CCDC102B: variants seen among roughly 807,000 people sequenced by gnomAD.
The protein encoded by CCDC102B is coiled-coil domain containing 102B.
Under a neutral mutation model 57.4 loss-of-function variants are expected in CCDC102B, and 75 were observed. The observed-to-expected ratio is 1.31, with a 90% CI of 1.08 to 1.58. The LOEUF is 1.58. CCDC102B is among the 40% of genes most tolerant of loss of function. CCDC102B has a pLI of 0.00. For missense variants in CCDC102B, 636 were observed against 582.6 expected (o/e 1.09, Z -0.94); for synonymous variants, 206 against 201.9 (o/e 1.02, Z -0.17).
At position 69,055,100 on chromosome 18, in the gene CCDC102B, G is replaced by T; in HGVS notation, c.*963G>T. 2 of 982,994 alleles carry T rather than the reference G, an allele frequency of 2.0e-6. No homozygotes were observed. Among genetic ancestry groups the T allele is most frequent in the Non-Finnish European group, 1.2e-6 (1 of 827,992 alleles). The allele number at this position is 982,994 out of a possible 1,614,324, so 60.9% of individuals were successfully genotyped here. A position where few individuals can be genotyped will look rare whatever the true frequency, so the allele number is the denominator to read the frequency against. ...ATTTAACTCAGTCAATAACATACTGGTTTTACTCATCTCCCCCTCCATTGA... is the reference window on the plus strand; with the variant it reads ...ATTTAACTCAGTCAATAACATACTGTTTTTACTCATCTCCCCCTCCATTGA... On this transcript the variant is annotated 3_prime_UTR_variant, in exon 8 of 8. Coordinates refer to ENST00000360242, the MANE Select transcript of CCDC102B (RefSeq NM_024781.3).
chr18:68,947,223 C>T lies in CCDC102B; in HGVS notation c.1263+49795C>T, dbSNP rs552635537. Reference sequence around the variant, plus strand: ...AGGGGCATCAGTGGCCTACAACTTCCGGAACAACTGTTTTGTTTAATTCAT... The same window carrying T: ...AGGGGCATCAGTGGCCTACAACTTCTGGAACAACTGTTTTGTTTAATTCAT... On this transcript the variant is annotated intron_variant, in intron 6 of 7. Coordinates refer to ENST00000360242, the MANE Select transcript of CCDC102B (RefSeq NM_024781.3). Among the ~76,000 whole-genome samples, 102 of 151,652 alleles carry T rather than the reference C, an allele frequency of 6.7e-4. 1 individual carries two copies. Among genetic ancestry groups the T allele is most frequent in the African/African-American group, 2.3e-3 (97 of 41,414 alleles).
chr18:68,938,633 T>G (rs2049303987), intron 6 of CCDC102B, among the ~76,000 whole-genome samples: 1 of 151,786 alleles, frequency 6.6e-6, no homozygotes, highest in African/African-American at 2.4e-5. Flanking sequence ...CTTAAAATCA[T>G]TATACAGCTA....
At chr18:68,781,177 A>T (rs1431773385) in intron 2 of CCDC102B, among the ~76,000 whole-genome samples, 1 of 152,130 alleles carries the variant, frequency 6.6e-6, no homozygotes, top group Non-Finnish European at 1.5e-5. Flanking sequence ...TTCATTACTT[A>T]GCTGATTATG....
chr18:69,035,727 C>T (rs541789380), intron 7 of CCDC102B, among the ~76,000 whole-genome samples: 1 of 152,062 alleles, frequency 6.6e-6, no homozygotes, highest in East Asian at 1.9e-4. Flanking sequence ...ATAAAGTGGA[C>T]CAGAATATTT....
chr18:69,012,830 C>T (rs1223498363), intron 7 of CCDC102B, among the ~76,000 whole-genome samples: 6 of 151,756 alleles, frequency 4.0e-5, no homozygotes, highest in African/African-American at 1.5e-4. Flanking sequence ...TTTGTTGCTA[C>T]AAAAAACAAA....
intron 6 of CCDC102B, among the ~76,000 whole-genome samples, chr18:68,933,939 G>C (rs1350504535): frequency 6.6e-6 from 1 of 151,784 alleles, no homozygotes; most frequent in Admixed American, 6.6e-5. Flanking sequence ...GCCGGGAGAG[G>C]TATTTATGCA....
intron 5 of CCDC102B, among the ~76,000 whole-genome samples, chr18:68,887,707 A>G (rs2144981657): frequency 6.6e-6 from 1 of 152,354 alleles, no homozygotes; most frequent in Admixed American, 6.5e-5. Flanking sequence ...TGCTATCACA[A>G]CTAACACAAT....
intron 6 of CCDC102B, among the ~76,000 whole-genome samples, chr18:68,898,706 T>G (rs1460636067): frequency 6.6e-6 from 1 of 152,144 alleles, no homozygotes; most frequent in East Asian, 1.9e-4. Context: ...TATTAATCAA[T>G]GAATCATTAT....
chr18:68,805,421 G>A (rs1266829116), intron 1 of CCDC102B, among the ~76,000 whole-genome samples: 1 of 152,178 alleles, frequency 6.6e-6, no homozygotes, highest in Non-Finnish European at 1.5e-5. Context: ...TGCAGACATG[G>A]AGCAGGAAGA....
intron 6 of CCDC102B, among the ~76,000 whole-genome samples, chr18:68,919,683 T>C (rs1459885718): frequency 6.6e-6 from 1 of 152,158 alleles, no homozygotes; most frequent in Non-Finnish European, 1.5e-5. Context: ...CTTTATAAGT[T>C]CTGAGTTAGC....
At chr18:68,904,913 A>G (rs573536994) in intron 6 of CCDC102B, among the ~76,000 whole-genome samples, 68 of 152,320 alleles carry the variant, frequency 4.5e-4, no homozygotes, top group Non-Finnish European at 7.4e-4. Flanking sequence ...TGCTAAAATC[A>G]TGAATTTTAA....
chr18:68,972,196 G>A (rs2050318536), intron 6 of CCDC102B, among the ~76,000 whole-genome samples: 1 of 152,144 alleles, frequency 6.6e-6, no homozygotes, highest in South Asian at 2.1e-4. Context: ...GCTACTCTTC[G>A]TCCTTGCTTC....
At chr18:68,912,110 TATC>T (rs1294485633) in intron 6 of CCDC102B, among the ~76,000 whole-genome samples, 1 of 152,162 alleles carries the variant, frequency 6.6e-6, no homozygotes, top group Non-Finnish European at 1.5e-5. Context: ...GACTTGTTGA[TATC>T]ATCTGGCTAC....
At chr18:68,913,218 G>A (rs545876222) in intron 6 of CCDC102B, among the ~76,000 whole-genome samples, 1 of 152,100 alleles carries the variant, frequency 6.6e-6, no homozygotes, top group African/African-American at 2.4e-5. Flanking sequence ...AAAAATAAAG[G>A]AGAGAAAGCA....
intron 6 of CCDC102B, among the ~76,000 whole-genome samples, chr18:68,904,612 ACAAT>A (rs2040560592): frequency 6.6e-6 from 1 of 152,212 alleles, no homozygotes; most frequent in Non-Finnish European, 1.5e-5. Context: ...CTGGTTTGAA[ACAAT>A]CAATAAATTG....
At chr18:69,026,203 C>T (rs1325580442) in intron 7 of CCDC102B, among the ~76,000 whole-genome samples, 5 of 152,104 alleles carry the variant, frequency 3.3e-5, no homozygotes, top group African/African-American at 4.8e-5. Flanking sequence ...CGGTGGCTCA[C>T]GCCTGTAATC....
At chr18:68,790,000 G>T (rs1226057465) in intron 2 of CCDC102B, among the ~76,000 whole-genome samples, 1 of 150,048 alleles carries the variant, frequency 6.7e-6, no homozygotes, top group Admixed American at 6.6e-5. Context: ...ATGTACAGAT[G>T]GGTTTTTGGT....
At chr18:68,795,010 T>C (rs1341419381), upstream of CCDC102B, among the ~76,000 whole-genome samples, 2 of 134,212 alleles carry the variant, frequency 1.5e-5, no homozygotes, top group Admixed American at 1.6e-4. Flanking sequence ...GGTCATTAAT[T>C]TGTAAACTCG....
chr18:68,812,046 T>G (rs1334484200), intron 1 of CCDC102B, among the ~76,000 whole-genome samples: 1 of 152,196 alleles, frequency 6.6e-6, no homozygotes, highest in Non-Finnish European at 1.5e-5. Context: ...ACTAATATAC[T>G]TAACAGTGTT....
Sources: gnomAD v4.1 joint callset for allele counts (sites outside exome capture counted in the v4.1 genomes callset) on GRCh38, gnomAD v4.1.1 for gene constraint, MANE v1.5 for transcripts, NCBI Gene and HGNC (gene_info 2026-07-23, HGNC 2026-07-21) for gene names.